Variants in RTL4 observed in about 807,000 individuals in gnomAD.
The protein encoded by RTL4 is retrotransposon Gag-like protein 4.
In RTL4, 4 loss-of-function variants were observed where a neutral mutation model predicts 5.3. That is an observed-to-expected ratio of 0.75 (90% confidence interval 0.37 to 1.72). The LOEUF is 1.72. Among genes scored for constraint, RTL4 ranks in the 40% most tolerant of loss-of-function variants. The pLI, the probability that RTL4 is intolerant of heterozygous loss-of-function variation, is 0.04. For missense variants in RTL4, 260 were observed against 227.1 expected (o/e 1.14, Z -0.93); for synonymous variants, 98 against 87.3 (o/e 1.12, Z -0.68).
At chrX:112,308,853 A>G in the RTL4 span, among the ~76,000 whole-genome samples, 1 of 111,560 alleles carries the variant, frequency 9.0e-6, no homozygotes, top group African/African-American at 3.3e-5. Flanking sequence ...GTGGAAACAC[A>G]GAGGGGTTAG....
the RTL4 span, among the ~76,000 whole-genome samples, chrX:112,229,614 G>A: frequency 1.8e-5 from 2 of 111,988 alleles, no homozygotes; most frequent in East Asian, 5.6e-4. Context: ...ATTGTTTTGG[G>A]CCACACATAA....
At chrX:112,125,831 T>C in the RTL4 span, among the ~76,000 whole-genome samples, 1 of 111,849 alleles carries the variant, frequency 8.9e-6, no homozygotes, top group East Asian at 2.8e-4. Flanking sequence ...TAGATATCAA[T>C]ACTCTACAAG....
chrX:112,103,080 G>T, the RTL4 span, among the ~76,000 whole-genome samples: 2 of 111,351 alleles, frequency 1.8e-5, no homozygotes, highest in African/African-American at 6.5e-5. Context: ...CCCATTACTG[G>T]GTATATACCC....
At chrX:112,350,472 C>T in the RTL4 span, among the ~76,000 whole-genome samples, 6 of 109,847 alleles carry the variant, frequency 5.5e-5, no homozygotes, top group South Asian at 7.9e-4. Flanking sequence ...TGGTAGAATT[C>T]GGCTGTGAAT....
At chrX:112,131,800 G>C in the RTL4 span, among the ~76,000 whole-genome samples, 1 of 110,914 alleles carries the variant, frequency 9.0e-6, no homozygotes, top group African/African-American at 3.3e-5. Flanking sequence ...AATAGAGATA[G>C]TGAGATGGAG....
At chrX:112,115,128 C>G in the RTL4 span, among the ~76,000 whole-genome samples, 9 of 110,954 alleles carry the variant, frequency 8.1e-5, no homozygotes, top group African/African-American at 3.0e-4. Context: ...GTTTTTCCCC[C>G]ACCACCCAAG....
the RTL4 span, among the ~76,000 whole-genome samples, chrX:112,213,130 C>T: frequency 2.0e-4 from 23 of 112,526 alleles, no homozygotes; most frequent in African/African-American, 6.5e-4. Flanking sequence ...AATCATGAGT[C>T]GCAGCAATGG....
At chrX:112,104,259 A>G in the RTL4 span, among the ~76,000 whole-genome samples, 1 of 112,151 alleles carries the variant, frequency 8.9e-6, no homozygotes, top group Admixed American at 9.5e-5. Context: ...ATAGTATTCC[A>G]TTGTGTATAT....
the RTL4 span, among the ~76,000 whole-genome samples, chrX:112,258,179 T>G: frequency 2.7e-5 from 3 of 110,698 alleles, no homozygotes; most frequent in African/African-American, 9.8e-5. Context: ...TTTAAAAATC[T>G]TCTCATTAAA....
chrX:112,299,402 A>G, the RTL4 span, among the ~76,000 whole-genome samples: 2 of 112,910 alleles, frequency 1.8e-5, no homozygotes, highest in South Asian at 7.3e-4. Context: ...GAATCAGATT[A>G]AAAGTGAATT....
chrX:112,223,927 T>C, the RTL4 span, among the ~76,000 whole-genome samples: 7 of 112,288 alleles, frequency 6.2e-5, no homozygotes, highest in African/African-American at 2.3e-4. Flanking sequence ...TGCCTTGTGA[T>C]TCCTGGAAAC....
chrX:112,373,550 C>G, the RTL4 span, among the ~76,000 whole-genome samples: 4 of 110,607 alleles, frequency 3.6e-5, no homozygotes, highest in Admixed American at 3.9e-4. Flanking sequence ...CACTTTGTGG[C>G]TTGTTTCTTT....
chrX:112,256,717 C>G, the RTL4 span, among the ~76,000 whole-genome samples: 1 of 111,732 alleles, frequency 8.9e-6, no homozygotes, highest in Non-Finnish European at 1.9e-5. Context: ...TTATAATTTT[C>G]TTCATAAGAG....
the RTL4 span, among the ~76,000 whole-genome samples, chrX:112,143,977 C>A: frequency 8.9e-6 from 1 of 112,085 alleles, no homozygotes; most frequent in African/African-American, 3.3e-5. Context: ...ATAATTAAAT[C>A]AAGATAATTA....
chrX:112,202,712 C>T, the RTL4 span, among the ~76,000 whole-genome samples: 1 of 109,754 alleles, frequency 9.1e-6, no homozygotes, highest in Non-Finnish European at 1.9e-5. Flanking sequence ...AGGCCCATGC[C>T]ATCATGCCTG....
the RTL4 span, among the ~76,000 whole-genome samples, chrX:112,295,867 C>A: frequency 8.9e-6 from 1 of 112,087 alleles, no homozygotes; most frequent in African/African-American, 3.2e-5. Context: ...TATTGAAATG[C>A]CTAAAGATTG....
chrX:112,343,476 T>C, the RTL4 span, among the ~76,000 whole-genome samples: 1 of 112,268 alleles, frequency 8.9e-6, no homozygotes, highest in African/African-American at 3.2e-5. Context: ...GCCAGCACCA[T>C]GGAATGTTCA....
At chrX:112,116,356 G>A in the RTL4 span, among the ~76,000 whole-genome samples, 1 of 110,995 alleles carries the variant, frequency 9.0e-6, no homozygotes, top group Admixed American at 9.6e-5. Context: ...GAGTGTTACA[G>A]CTCTTAAAGG....
the RTL4 span, among the ~76,000 whole-genome samples, chrX:112,407,745 T>C: frequency 8.9e-6 from 1 of 112,792 alleles, no homozygotes; most frequent in Middle Eastern, 4.7e-3. Flanking sequence ...ACAGTCCTAG[T>C]AGTGATGGCC....
Sources: gnomAD v4.1 joint callset for allele counts (sites outside exome capture counted in the v4.1 genomes callset) on GRCh38, gnomAD v4.1.1 for gene constraint, MANE v1.5 for transcripts, NCBI Gene and HGNC (gene_info 2026-07-23, HGNC 2026-07-21) for gene names.